PADI2: variants seen among roughly 807,000 people sequenced by gnomAD.
PADI2 encodes the protein peptidyl arginine deiminase 2, also known as protein-arginine deiminase type-2.
PADI2 carries 70 observed loss-of-function variants against 81.1 expected under a neutral mutation model. The observed-to-expected ratio is 0.86, with a 90% CI of 0.71 to 1.05. The LOEUF is 1.05. Ranked by LOEUF, PADI2 falls within the 50% of genes least tolerant of loss-of-function variation. The pLI is 0.00. For synonymous variants in PADI2, 338 were observed against 358.0 expected (o/e 0.94, Z 0.63); for missense variants, 853 against 889.9 (o/e 0.96, Z 0.53).
chr1:17,090,418 T>C (rs1032799432), intron 6 of PADI2, among the ~76,000 whole-genome samples: 6 of 152,192 alleles, frequency 3.9e-5, no homozygotes, highest in African/African-American at 1.4e-4. Flanking sequence ...GGTCCTTCAG[T>C]CTCCAACCCA....
chr1:17,068,759 C>A lies in PADI2; in HGVS notation c.*285G>T, dbSNP rs534429398. 1.2e-5 allele frequency: 5 copies of A among 411,000 alleles called. No individual in the cohort carries two copies. In the South Asian group the frequency reaches 1.6e-4, roughly 14 times the overall value. 25.5% of individuals were successfully genotyped at this position (411,000 alleles called of 1,614,324 possible). A position where few individuals can be genotyped will look rare whatever the true frequency, so the allele number is the denominator to read the frequency against. On this transcript the variant is annotated 3_prime_UTR_variant, in exon 16 of 16. Coordinates refer to ENST00000375486, the MANE Select transcript of PADI2 (RefSeq NM_007365.3). ...AATTCTTTGGGGAGCAGTTTGGGCA[C>A]ATGGTTTGCTGTGTTTTGTTGTGTT...
chr1:17,104,014 G>C (rs375582931), intron 2 of PADI2, among the ~76,000 whole-genome samples: 1 of 151,010 alleles, frequency 6.6e-6, no homozygotes, highest in African/African-American at 2.4e-5. Context: ...CGGCCGCGGT[G>C]GCTCACGCCT....
intron 4 of PADI2, 22 bp from the exon 5 acceptor site, chr1:17,093,706 T>G (rs1570992866): frequency 7.3e-7 from 1 of 1,373,084 alleles, no homozygotes; most frequent in Non-Finnish European, 1.0e-6. Context: ...GGAAGAAAGG[T>G]CAGTGCCCTC....
At chr1:17,096,160 G>A (rs531756750) in intron 3 of PADI2, among the ~76,000 whole-genome samples, 190 bp from the exon 4 acceptor site, 3 of 152,334 alleles carry the variant, frequency 2.0e-5, no homozygotes, top group Admixed American at 6.5e-5. Context: ...ACCGTCAGCA[G>A]ACACCGTGTG....
chr1:17,077,291 T>C (rs1242551799), intron 11 of PADI2, among the ~76,000 whole-genome samples: 1 of 152,220 alleles, frequency 6.6e-6, no homozygotes, highest in African/African-American at 2.4e-5. Flanking sequence ...CTTGATTCCA[T>C]GTTTATTTTC....
rs2078290909 is a variant in PADI2, at chr1:17,074,890, C to G, written c.1515G>C (p.Gln505His). Reference protein sequence around the residue: ...SACYKLFREKQKDGHGEAIMF... With the variant: ...SACYKLFREKHKDGHGEAIMF... ...TGATGGCCTCTCCATGGCCGTCCTT[C>G]TGCTTCTCTCGGAAGAGCTTGTAGC... The change falls in exon 13 of 16, where the codon CAG (glutamine) becomes CAC (histidine). Residue 505 changes from glutamine (Q) to histidine (H), a missense_variant. Transcript: ENST00000375486. The G allele has an allele frequency of 6.2e-7, 1 of 1,613,320 alleles. No homozygotes were observed. The highest frequency in any genetic ancestry group is 1.7e-4 in the Middle Eastern group (1 of 5,966).
chr1:17,070,807 G>T (rs570618483), intron 14 of PADI2, among the ~76,000 whole-genome samples: 1 of 151,970 alleles, frequency 6.6e-6, no homozygotes, highest in Non-Finnish European at 1.5e-5. Flanking sequence ...GATTATAGGC[G>T]CCTGCCACCA....
At chr1:17,072,534 T>C (rs567040802) in intron 13 of PADI2, among the ~76,000 whole-genome samples, 1 of 152,350 alleles carries the variant, frequency 6.6e-6, no homozygotes, top group South Asian at 2.1e-4. Context: ...TCTTGGCTCT[T>C]TGGCATTGCC....
chr1:17,104,085 A>C (rs979776110), intron 2 of PADI2, among the ~76,000 whole-genome samples: 1 of 151,408 alleles, frequency 6.6e-6, no homozygotes, highest in African/African-American at 2.4e-5. Context: ...GATCGACAGC[A>C]TCCTGGCTAA....
At position 17,083,747 on chromosome 1, in the gene PADI2, G is replaced by C. The variant is rs753509180; in HGVS notation, c.1029C>G (p.Asn343Lys). 1.9e-6 allele frequency: 3 copies of C among 1,612,778 alleles called. No individual in the cohort carries two copies. The African/African-American group carries it at 4.0e-5, about 22-fold the overall frequency. Residue 343 changes from asparagine to lysine, a missense_variant, in exon 9 of 16, where the codon AAC becomes AAG. Physicochemically the swap from Asn to Lys is moderately conservative, Grantham distance 94. Transcript: ENST00000375486. ...TTACCTGGATCCAGCGATCGCCTCGGTTTAGGTACTGGAAGCAGACCTTCA... is the reference window on the plus strand; with the variant it reads ...TTACCTGGATCCAGCGATCGCCTCGCTTTAGGTACTGGAAGCAGACCTTCA... Reference protein sequence around the residue: ...CELKVCFQYLNRGDRWIQDEI... With the variant: ...CELKVCFQYLKRGDRWIQDEI...
rs774044343 is a variant in PADI2, at chr1:17,083,798, G to GT, written c.977dup (p.Asn326LysfsTer9). 5.0e-6 allele frequency: 8 copies of GT among 1,613,294 alleles called. No individual in the cohort carries two copies. The South Asian group carries it at 8.8e-5, about 18-fold the overall frequency. The stretch of plus-strand genomic sequence containing the variant: ...GCTCACAGTTGGTTTTCTCCACAAG[G>GT]TTCTTCACCTCTTTCAGGAACAGGT... On this transcript the variant is annotated frameshift_variant, in exon 9 of 16. Coordinates refer to ENST00000375486, the MANE Select transcript of PADI2 (RefSeq NM_007365.3). LOFTEE classifies it high-confidence loss of function.
intron 10 of PADI2, among the ~76,000 whole-genome samples, chr1:17,081,259 G>A (rs1425906527): frequency 6.6e-6 from 1 of 152,154 alleles, no homozygotes; most frequent in African/African-American, 2.4e-5. Context: ...GCTAATAATG[G>A]TCATTATATC....
chr1:17,069,990 C>A, intron 15 of PADI2, 98 bp downstream of exon 15: 8 of 1,387,402 alleles, frequency 5.8e-6, no homozygotes, highest in Non-Finnish European at 7.8e-6. Flanking sequence ...GGATTGGGAC[C>A]TGGGCCTCCC....
At chr1:17,070,648 T>G (rs2078258988) in intron 14 of PADI2, among the ~76,000 whole-genome samples, 1 of 152,166 alleles carries the variant, frequency 6.6e-6, no homozygotes, top group Non-Finnish European at 1.5e-5. Context: ...GTAATATAGA[T>G]GCTATTATTA....
chr1:17,099,037 A>G (rs1202057098), intron 3 of PADI2, among the ~76,000 whole-genome samples: 2 of 152,230 alleles, frequency 1.3e-5, no homozygotes, highest in African/African-American at 4.8e-5. Flanking sequence ...CCAAGGCGTC[A>G]GGTGGCTCCT....
chr1:17,095,347 A>G (rs1278192556), intron 4 of PADI2, among the ~76,000 whole-genome samples: 1 of 152,246 alleles, frequency 6.6e-6, no homozygotes, highest in Non-Finnish European at 1.5e-5. Context: ...AAAGAGACAC[A>G]TTAAACCCAG....
chr1:17,104,445 T>C (rs1358580385), intron 2 of PADI2, among the ~76,000 whole-genome samples: 10 of 93,514 alleles, frequency 1.1e-4, no homozygotes, highest in Non-Finnish European at 2.3e-4. Flanking sequence ...TTTTTTTTTT[T>C]TTTTTTTGAG....
In PADI2 at chr1:17,111,600, T is replaced by C. The variant is rs1931583360; in HGVS notation, c.93-6539A>G. ...CAGTGCTGACTGTAAAAAAAAAAAATTAAACCAGAGATTCTTAAATTTGAG... is the reference window on the plus strand; with the variant it reads ...CAGTGCTGACTGTAAAAAAAAAAAACTAAACCAGAGATTCTTAAATTTGAG... On this transcript the variant is annotated intron_variant, in intron 1 of 15. Transcript: ENST00000375486. Among the ~76,000 whole-genome samples, 3 of 149,216 alleles carry C rather than the reference T, an allele frequency of 2.0e-5. No individual in the cohort carries two copies. In the South Asian group the frequency reaches 6.4e-4, roughly 32 times the overall value.
intron 1 of PADI2, among the ~76,000 whole-genome samples, chr1:17,113,537 C>T (rs1931657433): frequency 6.6e-6 from 1 of 152,198 alleles, no homozygotes; most frequent in African/African-American, 2.4e-5. Flanking sequence ...TGGCTGTCCC[C>T]TCCCTGGGAG....
Sources: gnomAD v4.1 joint callset for allele counts (sites outside exome capture counted in the v4.1 genomes callset) on GRCh38, gnomAD v4.1.1 for gene constraint, MANE v1.5 for transcripts, NCBI Gene and HGNC (gene_info 2026-07-23, HGNC 2026-07-21) for gene names.